WDR59: variants seen among roughly 807,000 people sequenced by gnomAD.
WDR59 encodes GATOR2 complex protein WDR59.
WDR59 carries 100 observed loss-of-function variants against 131.2 expected under a neutral mutation model. The ratio of observed to expected loss-of-function variants is 0.76; its 90% CI spans 0.65 to 0.90. The LOEUF is 0.90. Among genes scored for constraint, WDR59 ranks in the 40% least tolerant of loss-of-function variants. The pLI is 0.00. For synonymous variants in WDR59, 601 were observed against 466.2 expected, an observed-to-expected ratio of 1.29 and a Z score of -3.72; for missense variants, 1,203 against 1,262.2, an observed-to-expected ratio of 0.95 and a Z score of 0.71.
chr16:74,923,303 G>A (rs2030436643), intron 9 of WDR59, among the ~76,000 whole-genome samples: 1 of 152,054 alleles, frequency 6.6e-6, no homozygotes, highest in South Asian at 2.1e-4. Flanking sequence ...TTTAAAGCCA[G>A]AGTTCCTTCC....
chr16:74,967,939 C>G (rs1194879193), intron 1 of WDR59, among the ~76,000 whole-genome samples: 3 of 151,342 alleles, frequency 2.0e-5, no homozygotes, highest in Non-Finnish European at 4.4e-5. Context: ...AAATGTGGTA[C>G]AGACATATAA....
intron 6 of WDR59, among the ~76,000 whole-genome samples, chr16:74,947,065 G>T (rs1034060037): frequency 1.3e-5 from 2 of 152,194 alleles, no homozygotes; most frequent in African/African-American, 2.4e-5. Flanking sequence ...AGTAGCCCCA[G>T]TTGAGAATTC....
In WDR59 at chr16:74,938,258, A is replaced by G. The variant is rs988413523; in HGVS notation, c.543T>C (p.Ser181=). The G allele has an allele frequency of 3.2e-6, 5 of 1,539,230 alleles. No homozygotes were observed. Among genetic ancestry groups the G allele is most frequent in the Admixed American group, 4.2e-5 (2 of 48,140 alleles). The part of the protein sequence containing the change: ...DVRIWDKRKP[S]TAVEYLAAHL... ...GGGCGGCTAGATATTCCACTGCTGT[A>G]CTGGGTTTCTGCAACAGATCAGCAC... The change falls in exon 8 of 26, where the codon AGT becomes AGC. Residue 181 remains serine, a synonymous_variant. Coordinates refer to ENST00000262144, the MANE Select transcript of WDR59 (RefSeq NM_030581.4).
intron 2 of WDR59, among the ~76,000 whole-genome samples, chr16:74,965,045 CA>C (rs1436465915): frequency 1.3e-5 from 2 of 149,796 alleles, no homozygotes; most frequent in East Asian, 4.0e-4. Context: ...GCCTGGGCGA[CA>C]AGAGCAAAAC....
At position 74,965,815 on chromosome 16, in the gene WDR59, G is replaced by A. The variant is rs371150311; in HGVS notation, c.62C>T (p.Ala21Val). 220 of 1,613,920 alleles carry A rather than the reference G, an allele frequency of 1.4e-4. No individual in the cohort carries two copies. The highest frequency in any genetic ancestry group is 1.8e-4 in the Non-Finnish European group (207 of 1,180,008). Residue 21 changes from alanine (A) to valine (V), a missense_variant, in exon 2 of 26, where the codon GCG becomes GTG. Ala to Val is a moderately conservative substitution (Grantham distance 64). Coordinates refer to ENST00000262144, the MANE Select transcript of WDR59 (RefSeq NM_030581.4). ...VVEFRDSQATAMSVDCLGQHA... is the reference protein window; with the variant it reads ...VVEFRDSQATVMSVDCLGQHA... ...CTGCCCAAGACAGTCCACAGACATC[G>A]CAGTTGCCTGAGAGAGAGAACACAG... is the stretch of plus-strand genomic sequence containing the variant.
intron 2 of WDR59, among the ~76,000 whole-genome samples, chr16:74,961,299 T>C (rs1043508046): frequency 6.6e-6 from 1 of 152,048 alleles, no homozygotes; most frequent in African/African-American, 2.4e-5. Flanking sequence ...AAACCTTGTC[T>C]CAAAACAACA....
intron 23 of WDR59, among the ~76,000 whole-genome samples, chr16:74,887,428 C>G (rs1490515363): frequency 6.6e-6 from 1 of 152,058 alleles, no homozygotes; most frequent in African/African-American, 2.4e-5. Context: ...TGGGGGTGAA[C>G]AGTGGGAAGT....
chr16:74,901,892 G>A (rs535376661), intron 18 of WDR59, among the ~76,000 whole-genome samples: 3 of 152,198 alleles, frequency 2.0e-5, no homozygotes, highest in South Asian at 4.2e-4. Context: ...ACATAAACGG[G>A]ATGGATGTGA....
chr16:74,921,923 G>C (rs1346764530), intron 10 of WDR59, 24 bp downstream of exon 10: 2 of 1,609,594 alleles, frequency 1.2e-6, no homozygotes, highest in Non-Finnish European at 8.5e-7. Flanking sequence ...GAAGGAAAGT[G>C]GGCAGCAGGC....
intron 7 of WDR59, among the ~76,000 whole-genome samples, chr16:74,941,765 G>A (rs1478944628): frequency 6.6e-6 from 1 of 151,830 alleles, no homozygotes; most frequent in Non-Finnish European, 1.5e-5. Context: ...AGCTATCTAA[G>A]GCAGAGGGCT....
At chr16:74,905,805 A>G (rs1305479888) in intron 17 of WDR59, among the ~76,000 whole-genome samples, 3 of 152,134 alleles carry the variant, frequency 2.0e-5, no homozygotes, top group African/African-American at 7.2e-5. Flanking sequence ...AAAGAGGGAG[A>G]AAGACAAGCC....
At chr16:74,884,850 C>T (rs1229181927) in intron 25 of WDR59, among the ~76,000 whole-genome samples, 2 of 152,326 alleles carry the variant, frequency 1.3e-5, no homozygotes, top group Non-Finnish European at 2.9e-5. Context: ...GCACCGATGG[C>T]TCCACGGTTC....
chr16:74,965,838 C>CA lies in WDR59; in HGVS notation c.55-17dup, dbSNP rs1320932500. The CA allele has an allele frequency of 6.2e-7, 1 of 1,613,968 alleles. No homozygotes were observed. The highest frequency in any genetic ancestry group is 8.5e-7 in the Non-Finnish European group (1 of 1,180,024). On this transcript the variant is annotated splice_polypyrimidine_tract_variant and intron_variant, in intron 1 of 25. Transcript: ENST00000262144. ...TCGCAGTTGCCTGAGAGAGAGAACA[C>CA]AGAGTCAGTGCTGCCAGCAAACCCA...
intron 23 of WDR59, among the ~76,000 whole-genome samples, chr16:74,887,214 A>T (rs1964811093): frequency 6.6e-6 from 1 of 152,196 alleles, no homozygotes; most frequent in African/African-American, 2.4e-5. Flanking sequence ...TACTTTTGAT[A>T]TCAGGAAAAT....
Position 74,885,760 on chromosome 16 carries a change from T to G in WDR59, c.2582A>C (p.Asp861Ala). 1 of 1,614,148 alleles carries G rather than the reference T, an allele frequency of 6.2e-7. No homozygotes were observed. The highest frequency in any genetic ancestry group is 8.5e-7 in the Non-Finnish European group (1 of 1,180,028). Residue 861 changes from aspartate (D) to alanine (A), a missense_variant, in exon 25 of 26, where the codon GAC becomes GCC. By Grantham distance (126) the Asp-to-Ala change is moderately radical. Transcript: ENST00000262144. ...LDPANTQQFD[D>A]FKKCYGEILY... ...GATTTCCCCATAGCATTTCTTAAAGTCATCAAATTGCTGGGTATTGGCGGG... is the reference window on the plus strand; with the variant it reads ...GATTTCCCCATAGCATTTCTTAAAGGCATCAAATTGCTGGGTATTGGCGGG...
chr16:74,955,790 G>A (rs887342047), intron 3 of WDR59, among the ~76,000 whole-genome samples: 2 of 152,058 alleles, frequency 1.3e-5, no homozygotes, highest in Non-Finnish European at 2.9e-5. Flanking sequence ...TCTCCTGCCA[G>A]CCCAATGCAA....
chr16:74,873,660 T>C lies in WDR59; in HGVS notation c.*549A>G, dbSNP rs914480144. On this transcript the variant is annotated 3_prime_UTR_variant, in exon 26 of 26. Coordinates refer to ENST00000262144, the MANE Select transcript of WDR59 (RefSeq NM_030581.4). ...AGCTGGAGGAGAAATAACAAAAAAA[T>C]ACATCTTAAGAATCCTTAAGTACAG... 5.3e-5 allele frequency: 8 copies of C among 150,506 alleles called. No homozygotes were observed. Among genetic ancestry groups the C allele is most frequent in the Admixed American group, 4.7e-4 (7 of 14,988 alleles). 9.3% of individuals were successfully genotyped at this position (150,506 alleles called of 1,614,324 possible). A position where few individuals can be genotyped will look rare whatever the true frequency, so the allele number is the denominator to read the frequency against.
chr16:74,886,419 G>C (rs1005696042), intron 23 of WDR59, 23 bp from the exon 24 acceptor site: 3 of 1,609,012 alleles, frequency 1.9e-6, no homozygotes, highest in Non-Finnish European at 2.5e-6. Flanking sequence ...AAATGGGAAG[G>C]GAAGATGGCA....
rs1266534637 is a variant in WDR59, at chr16:74,963,839, G to A, written c.104+1934C>T. ...TTGAGTCTGGGATGTCAAGGCTGCA[G>A]TGAGCCGAGATCACATCAGCGAATA... On this transcript the variant is annotated intron_variant, in intron 2 of 25. Transcript: ENST00000262144. 4.6e-5 allele frequency among the ~76,000 whole-genome samples: 7 copies of A among 151,908 alleles called. No homozygotes were observed. The East Asian group carries it at 1.4e-3, about 29-fold the overall frequency.
Sources: gnomAD v4.1 joint callset for allele counts (sites outside exome capture counted in the v4.1 genomes callset) on GRCh38, gnomAD v4.1.1 for gene constraint, MANE v1.5 for transcripts, NCBI Gene and HGNC (gene_info 2026-07-23, HGNC 2026-07-21) for gene names.